Variants in PRMT2 observed in about 807,000 individuals in gnomAD.
PRMT2 encodes the protein protein arginine N-methyltransferase 2.
PRMT2 carries 26 observed loss-of-function variants against 57.6 expected under a neutral mutation model. The ratio of observed to expected loss-of-function variants is 0.45; its 90% CI spans 0.33 to 0.63. The LOEUF (loss-of-function observed/expected upper bound fraction) is 0.63, where lower values mean the gene tolerates loss of function less well. Among genes scored for constraint, PRMT2 ranks in the 20% least tolerant of loss-of-function variants. The pLI, the probability that PRMT2 is intolerant of heterozygous loss-of-function variation, is 0.02. For missense variants in PRMT2, 472 were observed against 564.4 expected (o/e 0.84, Z 1.66); for synonymous variants, 219 against 220.0 (o/e 1.00, Z 0.04).
At position 46,636,943 on chromosome 21, in the gene PRMT2, A is replaced by G; in HGVS notation, c.-9A>G. On this transcript the variant is annotated 5_prime_UTR_variant, in exon 3 of 12. Transcript: ENST00000355680. ...AATCAGCAGTTATGAGGCAGAGCCT[A>G]AGAGAACTATGGCAACATCAGGTGA... is the stretch of plus-strand genomic sequence containing the variant. 6.2e-7 allele frequency: 1 copy of G among 1,613,066 alleles called. No individual in the cohort carries two copies. Among genetic ancestry groups the G allele is most frequent in the Non-Finnish European group, 8.5e-7 (1 of 1,179,432 alleles).
intron 8 of PRMT2, 114 bp from the exon 9 acceptor site, chr21:46,660,719 C>G (rs1323001085): frequency 2.2e-6 from 3 of 1,367,380 alleles, no homozygotes; most frequent in African/African-American, 2.9e-5. Context: ...CAGATAGTGG[C>G]TTAGCATCCT....
chr21:46,644,209 CTG>C (rs1230258071), intron 4 of PRMT2, 95 bp from the exon 5 acceptor site: 140 of 1,246,662 alleles, frequency 1.1e-4, no homozygotes, highest in Non-Finnish European at 2.9e-5. Flanking sequence ...TTTGAAATCT[CTG>C]TGATTTTGTC....
chr21:46,648,669 C>A lies in PRMT2; in HGVS notation c.489+50C>A, dbSNP rs140903184. The A allele has an allele frequency of 2.5e-6, 4 of 1,594,578 alleles. No homozygotes were observed. Among genetic ancestry groups the A allele is most frequent in the Non-Finnish European group, 3.4e-6 (4 of 1,166,740 alleles). ...CGGGTGTTTGTGCCGAGGCTGGTGA[C>A]GTCCGAGGTGGCCTCTGAGTGTGCT... On this transcript the variant is annotated intron_variant, in intron 6 of 11. Transcript: ENST00000355680. This position sits in a 1 kb window ranked among gnomAD's most constrained non-coding sequence, Gnocchi z 4.8.
rs901095474 is a variant in PRMT2, at chr21:46,643,765, A to G, written c.144+126A>G. ...ATTCAGATGCGTAGGGCCACACAAGACCTGTGTGTGAAGCTCACAGCCCAG... is the reference window on the plus strand; with the variant it reads ...ATTCAGATGCGTAGGGCCACACAAGGCCTGTGTGTGAAGCTCACAGCCCAG... On this transcript the variant is annotated intron_variant, in intron 4 of 11. Coordinates refer to ENST00000355680, the MANE Select transcript of PRMT2 (RefSeq NM_206962.4). 6 of 1,187,706 alleles carry G rather than the reference A, an allele frequency of 5.1e-6. No individual in the cohort carries two copies. The African/African-American group carries it at 9.5e-5, about 19-fold the overall frequency. 73.6% of individuals were successfully genotyped at this position (1,187,706 alleles called of 1,614,324 possible).
intron 7 of PRMT2, chr21:46,652,025 G>C: frequency 6.2e-7 from 1 of 1,613,002 alleles, no homozygotes; most frequent in Non-Finnish European, 8.5e-7. Flanking sequence ...TGTAGTAAAA[G>C]TCTGAAGACA....
At chr21:46,647,990 T>C (rs1286060442) in intron 5 of PRMT2, among the ~76,000 whole-genome samples, 11 of 152,166 alleles carry the variant, frequency 7.2e-5, no homozygotes, top group Non-Finnish European at 1.6e-4. Context: ...TAAAGCATTT[T>C]CCTCATTAGC....
intron 7 of PRMT2, chr21:46,652,283 A>T (rs944452316): frequency 2.3e-6 from 3 of 1,305,780 alleles, no homozygotes; most frequent in Non-Finnish European, 2.9e-6. Flanking sequence ...AACCAAGTTC[A>T]TAATGAAGCT....
intron 7 of PRMT2, among the ~76,000 whole-genome samples, chr21:46,650,348 A>C (rs2061431197): frequency 1.3e-5 from 2 of 152,276 alleles, no homozygotes; most frequent in South Asian, 4.2e-4. Flanking sequence ...GGAGCATCCC[A>C]ACCTGAAACT....
At chr21:46,662,909 C>T (rs751039074) in intron 10 of PRMT2, among the ~76,000 whole-genome samples, 3 of 152,316 alleles carry the variant, frequency 2.0e-5, no homozygotes, top group East Asian at 1.9e-4. Flanking sequence ...AGTTTAACAG[C>T]AGGAGCTAGA....
intron 3 of PRMT2, among the ~76,000 whole-genome samples, chr21:46,641,699 A>C (rs2061278280): frequency 7.1e-6 from 1 of 141,706 alleles, no homozygotes; most frequent in East Asian, 2.1e-4. Flanking sequence ...CCTAAAAAAA[A>C]AGCCAAACAA....
chr21:46,645,761 G>C lies in PRMT2; in HGVS notation c.327+1273G>C, dbSNP rs2061356119. 2.0e-5 allele frequency among the ~76,000 whole-genome samples: 3 copies of C among 151,060 alleles called. No homozygotes were observed. In the South Asian group the frequency reaches 6.3e-4, roughly 32 times the overall value. On this transcript the variant is annotated intron_variant, in intron 5 of 11. Transcript: ENST00000355680. The stretch of plus-strand genomic sequence containing the variant: ...AGACGTAGTCTTGCTCTGTCACCCA[G>C]ACTGGAGTGTGGTGGCAGGATCCTA...
chr21:46,651,697 C>A, intron 7 of PRMT2: 1 of 1,265,188 alleles, frequency 7.9e-7, no homozygotes, highest in Non-Finnish European at 1.1e-6. Context: ...TGCAAGAGTT[C>A]CTATGGCGAT....
Position 46,648,594 on chromosome 21 carries a change from G to A in PRMT2, c.464G>A (p.Cys155Tyr), listed in dbSNP as rs772661676. 22 of 1,614,214 alleles carry A rather than the reference G, an allele frequency of 1.4e-5. No homozygotes were observed. Among genetic ancestry groups the A allele is most frequent in the Non-Finnish European group, 1.9e-5 (22 of 1,180,032 alleles). The change falls in exon 6 of 12, where the codon TGT becomes TAT. Residue 155 changes from cysteine (C) to tyrosine (Y), a missense_variant. Cys to Tyr is a radical substitution (Grantham distance 194). Around this residue, in one of 2 missense-constraint regions of PRMT2, gnomAD observed 243 missense variants for 347.2 expected, o/e 0.70. Transcript: ENST00000355680. This position sits in a 1 kb window ranked among gnomAD's most constrained non-coding sequence, Gnocchi z 4.8. ...GGGACTGGGATCATCAGTCTCTTCT[G>A]TGCACACTATGCGCGGCCTAGAGCG... Reference protein sequence around the residue: ...GCGTGIISLFCAHYARPRAVY... With the variant: ...GCGTGIISLFYAHYARPRAVY...
chr21:46,659,233 C>G, intron 8 of PRMT2: 2 of 1,093,920 alleles, frequency 1.8e-6, no homozygotes, highest in Non-Finnish European at 2.2e-6. Context: ...CCCTTGTTCT[C>G]TCACGCCATA....
chr21:46,648,739 G>C lies in PRMT2; in HGVS notation c.489+120G>C. 3 of 1,297,250 alleles carry C rather than the reference G, an allele frequency of 2.3e-6. No homozygotes were observed. The highest frequency in any genetic ancestry group is 2.1e-6 in the Non-Finnish European group (2 of 931,252). 80.4% of individuals were successfully genotyped at this position (1,297,250 alleles called of 1,614,324 possible). A position where few individuals can be genotyped will look rare whatever the true frequency, so the allele number is the denominator to read the frequency against. ...TTGGGGGCTCACCGGTGACTCCATG[G>C]TCTTGTTGAGCACCCTGCACGTGGG... On this transcript the variant is annotated intron_variant, in intron 6 of 11. Coordinates refer to ENST00000355680, the MANE Select transcript of PRMT2 (RefSeq NM_206962.4). This position sits in a 1 kb window ranked among gnomAD's most constrained non-coding sequence, Gnocchi z 4.8.
chr21:46,650,733 G>A (rs1016785129), intron 7 of PRMT2, among the ~76,000 whole-genome samples: 5 of 152,212 alleles, frequency 3.3e-5, no homozygotes, highest in South Asian at 2.1e-4. Flanking sequence ...CCAAGGTTGT[G>A]TGGGCGGTGA....
At chr21:46,659,272 G>C (rs1205141968) in intron 8 of PRMT2, 2 of 1,026,382 alleles carry the variant, frequency 1.9e-6, no homozygotes, top group African/African-American at 3.4e-5. Context: ...CATGGAATCA[G>C]CGTCAGCGAC....
chr21:46,664,255 T>C (rs766714601), intron 11 of PRMT2, 40 bp from the exon 12 acceptor site: 32 of 1,494,420 alleles, frequency 2.1e-5, no homozygotes, highest in Non-Finnish European at 2.9e-5. Context: ...AATCAAATGA[T>C]TTATCATCTG....
intron 7 of PRMT2, chr21:46,653,341 C>T: frequency 1.0e-6 from 1 of 985,374 alleles, no homozygotes; most frequent in South Asian, 4.7e-5. Context: ...AATTTCATAC[C>T]AATAACACTT....
Sources: allele counts gnomAD v4.1 joint callset (sites outside exome capture counted in the v4.1 genomes callset), GRCh38; gene constraint gnomAD v4.1.1; regional missense constraint gnomAD v4.1.1; non-coding constraint Gnocchi (gnomAD v3.1); transcripts MANE v1.5; gene names NCBI Gene and HGNC (gene_info 2026-07-23, HGNC 2026-07-21).